Variants in PHF20L1 observed in about 807,000 individuals in gnomAD.
The protein encoded by PHF20L1 is PHD finger protein 20-like protein 1.
PHF20L1 carries 44 observed loss-of-function variants against 125.5 expected under a neutral mutation model. That is an observed-to-expected ratio of 0.35 (90% CI 0.28 to 0.45). The LOEUF (loss-of-function observed/expected upper bound fraction) is 0.45. PHF20L1 is among the 20% of genes least tolerant of loss of function. PHF20L1 has a pLI of 1.00. For missense variants in PHF20L1, 1,012 were observed against 1,217.2 expected (o/e 0.83, Z 2.51); for synonymous variants, 380 against 403.1 (o/e 0.94, Z 0.69).
chr8:132,827,096 A>G (rs117993522), intron 14 of PHF20L1, among the ~76,000 whole-genome samples: 6,067 of 151,942 alleles, frequency 0.04, 196 homozygotes, highest in Admixed American at 0.11. Context: ...CTTTCCAGAG[A>G]GTCTTGAACA....
intron 10 of PHF20L1, chr8:132,816,607 A>G (rs566092502): frequency 1.1e-5 from 3 of 284,164 alleles, no homozygotes; most frequent in Admixed American, 4.7e-5. Flanking sequence ...AGAGAAATTA[A>G]CTGTAGTCTG....
chr8:132,823,889 C>A, intron 12 of PHF20L1, 115 bp from the exon 13 acceptor site: 3 of 586,974 alleles, frequency 5.1e-6, no homozygotes, highest in Non-Finnish European at 9.0e-6. Flanking sequence ...ACATGTAGAC[C>A]GTTAGGAGAA....
At position 132,794,523 on chromosome 8, in the gene PHF20L1, G is replaced by A; in HGVS notation, c.197G>A (p.Arg66Gln). 2 of 1,611,198 alleles carry A rather than the reference G, an allele frequency of 1.2e-6. No individual in the cohort carries two copies. Among genetic ancestry groups the A allele is most frequent in the Non-Finnish European group, 1.7e-6 (2 of 1,177,460 alleles). The change falls in exon 3 of 21, where the codon CGA (arginine) becomes CAA (glutamine). Residue 66 changes from arginine (R) to glutamine (Q), a missense_variant. Transcript: ENST00000395386. ...ATTTACTGGGATAGCAATAGATTGC[G>A]ACCCCTTGAGAGACCAGCACTAAGA... ...EWIYWDSNRL[R>Q]PLERPALRKE...
intron 1 of PHF20L1, among the ~76,000 whole-genome samples, chr8:132,777,326 G>A (rs1265831314): frequency 6.6e-6 from 1 of 152,078 alleles, no homozygotes; most frequent in African/African-American, 2.4e-5. Flanking sequence ...CTTATCTAGT[G>A]TTTTGTATTA....
At chr8:132,799,626 C>T (rs1832808277) in intron 6 of PHF20L1, 1 of 153,330 alleles carries the variant, frequency 6.5e-6, no homozygotes, top group Non-Finnish European at 1.5e-5. Context: ...GTAAAAATGT[C>T]TAATATGGAA....
chr8:132,812,590 T>G, intron 9 of PHF20L1: 1 of 983,846 alleles, frequency 1.0e-6, no homozygotes, highest in Non-Finnish European at 1.2e-6. Flanking sequence ...TATTTTAGAT[T>G]TTCAGGAACA....
In PHF20L1 at chr8:132,784,685, C is replaced by T. The variant is rs117077099; in HGVS notation, c.83+6774C>T. On this transcript the variant is annotated intron_variant, in intron 2 of 20. Transcript: ENST00000395386. ...GAGGTTTGAGCTATTTGGAATATAA[C>T]TATATTGGGCATGAAACCTTTTGGC... 8.9e-3 allele frequency among the ~76,000 whole-genome samples: 1,353 copies of T among 152,266 alleles called. 39 individuals carry two copies. Among genetic ancestry groups the T allele is most frequent in the East Asian group, 0.087 (450 of 5,184 alleles).
chr8:132,805,611 T>G (rs1205993553), intron 8 of PHF20L1, among the ~76,000 whole-genome samples: 1 of 151,938 alleles, frequency 6.6e-6, no homozygotes, highest in Non-Finnish European at 1.5e-5. Flanking sequence ...TGTAAAAACC[T>G]TTGTTTGTTG....
At chr8:132,837,009 G>C (rs139426661) in intron 16 of PHF20L1, among the ~76,000 whole-genome samples, 1 of 152,180 alleles carries the variant, frequency 6.6e-6, no homozygotes, top group East Asian at 1.9e-4. Flanking sequence ...GAAAGGGCAG[G>C]CTACAGCAAC....
At chr8:132,803,761 G>GTAAT in intron 6 of PHF20L1, 58 bp from the exon 7 acceptor site, 1 of 883,406 alleles carries the variant, frequency 1.1e-6, no homozygotes, top group Non-Finnish European at 1.8e-6. Context: ...TTTTATTAGT[G>GTAAT]TAATTACATT....
intron 1 of PHF20L1, 24 bp from the exon 2 acceptor site, chr8:132,777,768 T>A: frequency 9.5e-7 from 1 of 1,058,116 alleles, no homozygotes; most frequent in Non-Finnish European, 1.5e-6. Context: ...TGCATTGGAA[T>A]CTAACTTTTT....
At position 132,847,289 on chromosome 8, in the gene PHF20L1, T is replaced by G. The variant is rs772258543; in HGVS notation, c.*1366T>G. Reference sequence around the variant, plus strand: ...TGAAATGTTACCTTTTAACAGACTGTTTTTAAAAATTAAAAATGTATGTAT... The same window carrying G: ...TGAAATGTTACCTTTTAACAGACTGGTTTTAAAAATTAAAAATGTATGTAT... On this transcript the variant is annotated 3_prime_UTR_variant, in exon 21 of 21. Coordinates refer to ENST00000395386, the MANE Select transcript of PHF20L1 (RefSeq NM_016018.5). 3 of 152,604 alleles carry G rather than the reference T, an allele frequency of 2.0e-5. No individual in the cohort carries two copies. The highest frequency in any genetic ancestry group is 4.4e-5 in the Non-Finnish European group (3 of 68,000). 9.5% of individuals were successfully genotyped at this position (152,604 alleles called of 1,614,324 possible). A position where few individuals can be genotyped will look rare whatever the true frequency, so the allele number is the denominator to read the frequency against.
chr8:132,812,366 T>C lies in PHF20L1; in HGVS notation c.930+1238T>C, dbSNP rs898227593. 3.0e-6 allele frequency: 3 copies of C among 984,742 alleles called. No homozygotes were observed. In the Admixed American group the frequency reaches 1.8e-4, roughly 61 times the overall value. The allele number at this position is 984,742 out of a possible 1,614,324, so 61.0% of individuals were successfully genotyped here. ...CACAATCCTGCTGAGGTGAATGTGA[T>C]TGTGAAAAGTACTTATTAAATGTGG... On this transcript the variant is annotated intron_variant, in intron 9 of 20. Transcript: ENST00000395386.
At chr8:132,779,328 A>G (rs1459667096) in intron 2 of PHF20L1, among the ~76,000 whole-genome samples, 1 of 152,196 alleles carries the variant, frequency 6.6e-6, no homozygotes, top group African/African-American at 2.4e-5. Flanking sequence ...GGCGGTAAAA[A>G]TGATTGAGAA....
At chr8:132,829,516 G>A (rs79136629) in intron 14 of PHF20L1, among the ~76,000 whole-genome samples, 19 of 152,104 alleles carry the variant, frequency 1.2e-4, no homozygotes, top group African/African-American at 4.3e-4. Context: ...TATGGTGTTG[G>A]GCAAACTGTG....
intron 6 of PHF20L1, among the ~76,000 whole-genome samples, chr8:132,802,397 A>G (rs62514117): frequency 0.033 from 5,003 of 151,666 alleles, 120 homozygotes; most frequent in Non-Finnish European, 0.054. Context: ...CAGCTCATCT[A>G]TCATTTTCCC....
At chr8:132,780,148 A>C (rs1302132899) in intron 2 of PHF20L1, among the ~76,000 whole-genome samples, 1 of 152,148 alleles carries the variant, frequency 6.6e-6, no homozygotes, top group Admixed American at 6.5e-5. Context: ...TAATTTTCTT[A>C]TGGTAATTTT....
At chr8:132,798,460 C>G (rs1290766128) in intron 4 of PHF20L1, among the ~76,000 whole-genome samples, 4 of 152,038 alleles carry the variant, frequency 2.6e-5, no homozygotes, top group African/African-American at 9.6e-5. Context: ...AATGATTTTA[C>G]TTTTGTCAGC....
intron 6 of PHF20L1, 26 bp from the exon 7 acceptor site, chr8:132,803,793 A>G (rs778463568): frequency 7.8e-7 from 1 of 1,290,100 alleles, no homozygotes; most frequent in Non-Finnish European, 1.1e-6. Context: ...TTAATACTTC[A>G]CATGTTTTGT....
Sources: allele counts gnomAD v4.1 joint callset (sites outside exome capture counted in the v4.1 genomes callset), GRCh38; gene constraint gnomAD v4.1.1; transcripts MANE v1.5; gene names NCBI Gene and HGNC (gene_info 2026-07-23, HGNC 2026-07-21).